HIBCH: variants seen among roughly 807,000 people sequenced by gnomAD.
HIBCH encodes 3-hydroxyisobutyryl-CoA hydrolase, mitochondrial.
In HIBCH, 50 loss-of-function variants were observed where a neutral mutation model predicts 58.2. The observed-to-expected ratio is 0.86, with a 90% CI of 0.68 to 1.09. The LOEUF is 1.09. Ranked by LOEUF, HIBCH falls within the 50% of genes least tolerant of loss-of-function variation. HIBCH has a pLI of 0.00. For synonymous variants in HIBCH, 151 were observed against 146.9 expected (o/e 1.03, Z -0.20); for missense variants, 450 against 449.7 (o/e 1.00, Z -0.01).
At chr2:190,224,177 C>T (rs1305065794) in intron 11 of HIBCH, among the ~76,000 whole-genome samples, 4 of 152,184 alleles carry the variant, frequency 2.6e-5, no homozygotes, top group South Asian at 2.1e-4. Flanking sequence ...AGTCTGAGAT[C>T]GAACTACAAG....
Position 190,210,245 on chromosome 2 carries a change from C to G in HIBCH, c.1012-1332G>C, listed in dbSNP as rs1321401704. ...TCTAAAATGGCTTGCCAAAACCACCCATGACATCGGCATCGCCAAGGTCAA... is the reference window on the plus strand; with the variant it reads ...TCTAAAATGGCTTGCCAAAACCACCGATGACATCGGCATCGCCAAGGTCAA... On this transcript the variant is annotated intron_variant, in intron 12 of 13. Transcript: ENST00000359678. The surrounding 1 kb of genome is among the most constrained non-coding windows in gnomAD (Gnocchi z 5.5). Among the ~76,000 whole-genome samples, 1 of 152,186 alleles carries G rather than the reference C, an allele frequency of 6.6e-6. No individual in the cohort carries two copies. Among genetic ancestry groups the G allele is most frequent in the Non-Finnish European group, 1.5e-5 (1 of 68,046 alleles).
At chr2:190,273,568 C>T (rs923165586) in intron 6 of HIBCH, among the ~76,000 whole-genome samples, 11 of 152,012 alleles carry the variant, frequency 7.2e-5, no homozygotes, top group African/African-American at 2.4e-4. Context: ...TAGATAAAAA[C>T]GAATGTATAT....
At chr2:190,219,519 G>A (rs1360500137) in intron 11 of HIBCH, among the ~76,000 whole-genome samples, 2 of 152,118 alleles carry the variant, frequency 1.3e-5, no homozygotes, top group African/African-American at 4.8e-5. Flanking sequence ...CTGCAAAATA[G>A]CTCACTTTGT....
chr2:190,245,008 G>A (rs1445580263), intron 10 of HIBCH, 40 bp from the exon 11 acceptor site: 1 of 1,231,030 alleles, frequency 8.1e-7, no homozygotes, highest in South Asian at 1.2e-5. Flanking sequence ...ATGTGTAAGT[G>A]ATTTCCTGTT....
rs1687645310 is a variant in HIBCH, at chr2:190,279,415, T to C, written c.438+8171A>G. Among the ~76,000 whole-genome samples, 1 of 152,184 alleles carries C rather than the reference T, an allele frequency of 6.6e-6. No homozygotes were observed. On this transcript the variant is annotated intron_variant, in intron 6 of 13. Transcript: ENST00000359678. This position sits in a 1 kb window ranked among gnomAD's most constrained non-coding sequence, Gnocchi z 4.2. ...CTCCAGCTCCATATCCTCAAAGTAT[T>C]GTTTCAGCACCAACTCAAAATTCCG...
At chr2:190,252,926 C>T (rs1411302622) in intron 7 of HIBCH, among the ~76,000 whole-genome samples, 1 of 152,148 alleles carries the variant, frequency 6.6e-6, no homozygotes, top group East Asian at 1.9e-4. Flanking sequence ...CGGTGGCTCA[C>T]ACCTGTAATC....
intron 3 of HIBCH, among the ~76,000 whole-genome samples, chr2:190,296,178 T>C (rs959818553): frequency 6.6e-6 from 1 of 152,050 alleles, no homozygotes; most frequent in African/African-American, 2.4e-5. Context: ...CCCAGCACTT[T>C]GGGAGGCCGA....
intron 11 of HIBCH, among the ~76,000 whole-genome samples, chr2:190,242,938 T>C (rs1054510713): frequency 6.6e-6 from 1 of 152,214 alleles, no homozygotes; most frequent in Admixed American, 6.5e-5. Context: ...CAAAGGGTAG[T>C]TGCATTATGT....
At chr2:190,290,894 C>T (rs1191167000) in intron 4 of HIBCH, among the ~76,000 whole-genome samples, 1 of 151,986 alleles carries the variant, frequency 6.6e-6, no homozygotes, top group Non-Finnish European at 1.5e-5. Flanking sequence ...GCCTGTAGTT[C>T]CAGCTGCTCA....
At chr2:190,196,604 C>T (rs1394913106) in intron 1 of HIBCH, among the ~76,000 whole-genome samples, 1 of 150,150 alleles carries the variant, frequency 6.7e-6, no homozygotes, top group Non-Finnish European at 1.5e-5. Context: ...GAATGGTAGG[C>T]ATTGTGAATA....
chr2:190,319,818 G>A lies in HIBCH; in HGVS notation c.-68C>T, dbSNP rs983214106. On this transcript the variant is annotated 5_prime_UTR_variant, in exon 1 of 14. Transcript: ENST00000359678. ...CGGACCGTTCCAGCGCCTCGCGTGA[G>A]CCCCGCCCACCGCCGTCCTGCGCCG... The A allele has an allele frequency of 3.7e-5, 58 of 1,571,330 alleles. No homozygotes were observed. Among genetic ancestry groups the A allele is most frequent in the Non-Finnish European group, 4.9e-5 (57 of 1,155,578 alleles).
At chr2:190,240,958 T>C (rs1686435672) in intron 11 of HIBCH, among the ~76,000 whole-genome samples, 1 of 152,244 alleles carries the variant, frequency 6.6e-6, no homozygotes, top group South Asian at 2.1e-4. Context: ...TATGTTGATT[T>C]GGGGTAGAGA....
intron 6 of HIBCH, among the ~76,000 whole-genome samples, chr2:190,277,738 C>G (rs2105971740): frequency 6.6e-6 from 1 of 152,244 alleles, no homozygotes; most frequent in Non-Finnish European, 1.5e-5. Flanking sequence ...CAGACCACAC[C>G]CACAGAGAGT....
downstream of HIBCH, chr2:190,202,964 C>T (rs1559007437): frequency 6.0e-6 from 1 of 166,992 alleles, no homozygotes; most frequent in Non-Finnish European, 1.5e-5. Flanking sequence ...TTGCAATCTG[C>T]CTGTGGTTAT....
rs747014230 is a variant in HIBCH at position 190,212,928 on chromosome 2, A to T, written c.1011+28T>A. 9.4e-6 allele frequency: 15 copies of T among 1,590,436 alleles called. No individual in the cohort carries two copies. The African/African-American group carries it at 1.9e-4, about 20-fold the overall frequency. Reference sequence around the variant, plus strand: ...AACGTATGTTACTTTTAGAACTAAAAAATGACATTTTTTTTTTAAATTCTT... The same window carrying T: ...AACGTATGTTACTTTTAGAACTAAATAATGACATTTTTTTTTTAAATTCTT... On this transcript the variant is annotated intron_variant, in intron 12 of 13. Transcript: ENST00000359678.
intron 6 of HIBCH, among the ~76,000 whole-genome samples, chr2:190,270,642 C>T (rs1024997613): frequency 9.8e-5 from 15 of 152,304 alleles, no homozygotes; most frequent in African/African-American, 3.4e-4. Flanking sequence ...AGCACCATTT[C>T]AATTTCTTTT....
At chr2:190,256,937 GA>G (rs954761207) in intron 7 of HIBCH, among the ~76,000 whole-genome samples, 1 of 151,724 alleles carries the variant, frequency 6.6e-6, no homozygotes, top group Non-Finnish European at 1.5e-5. Context: ...ATGAAAGAGA[GA>G]AAAAAAATGT....
intron 6 of HIBCH, among the ~76,000 whole-genome samples, chr2:190,278,750 A>G (rs1687626429): frequency 6.6e-6 from 1 of 151,466 alleles, no homozygotes; most frequent in Non-Finnish European, 1.5e-5. Flanking sequence ...AAAAAAAAAA[A>G]AAAAAAAAGC....
At chr2:190,303,781 A>G (rs1431317556) in intron 2 of HIBCH, among the ~76,000 whole-genome samples, 2 of 152,224 alleles carry the variant, frequency 1.3e-5, no homozygotes, top group African/African-American at 2.4e-5. Flanking sequence ...GGAAAACAAT[A>G]AATGGCACTT....
Sources: allele counts gnomAD v4.1 joint callset (sites outside exome capture counted in the v4.1 genomes callset), GRCh38; gene constraint gnomAD v4.1.1; non-coding constraint Gnocchi (gnomAD v3.1); transcripts MANE v1.5; gene names NCBI Gene and HGNC (gene_info 2026-07-23, HGNC 2026-07-21).